CAMK1D: variants seen among roughly 807,000 people sequenced by gnomAD.
The protein encoded by CAMK1D is calcium/calmodulin-dependent protein kinase type 1D.
CAMK1D carries 9 observed loss-of-function variants against 47.7 expected under a neutral mutation model. The ratio of observed to expected loss-of-function variants is 0.19; its 90% CI spans 0.11 to 0.33. The LOEUF (loss-of-function observed/expected upper bound fraction) is 0.33, where lower values mean the gene tolerates loss of function less well. Among genes scored for constraint, CAMK1D ranks in the 10% least tolerant of loss-of-function variants. CAMK1D has a pLI of 1.00. For missense variants in CAMK1D, 291 were observed against 488.7 expected, an observed-to-expected ratio of 0.60 and a Z score of 3.81; for synonymous variants, 184 against 184.9, an observed-to-expected ratio of 0.99 and a Z score of 0.04.
chr10:12,392,838 C>G (rs1340071464), intron 1 of CAMK1D, among the ~76,000 whole-genome samples: 1 of 151,990 alleles, frequency 6.6e-6, no homozygotes, highest in Non-Finnish European at 1.5e-5. Context: ...ATATTACATT[C>G]TAGTGAAAAA....
chr10:12,575,568 T>C (rs57380664), intron 2 of CAMK1D, among the ~76,000 whole-genome samples: 7,383 of 152,250 alleles, frequency 0.048, 223 homozygotes, highest in East Asian at 0.099. Context: ...CCAAAGTGGG[T>C]AGACAAGATG....
chr10:12,350,346 T>C (rs964068440), intron 1 of CAMK1D, among the ~76,000 whole-genome samples: 1 of 152,248 alleles, frequency 6.6e-6, no homozygotes, highest in African/African-American at 2.4e-5. Context: ...TTCCCATTTC[T>C]GTCCTTACAT....
At chr10:12,378,278 A>T (rs915435054) in intron 1 of CAMK1D, among the ~76,000 whole-genome samples, 6 of 151,920 alleles carry the variant, frequency 3.9e-5, no homozygotes, top group African/African-American at 1.5e-4. Context: ...ACAGCGTCTC[A>T]CTCCATTGCC....
intron 2 of CAMK1D, among the ~76,000 whole-genome samples, chr10:12,656,630 C>A (rs1287253089): frequency 6.6e-6 from 1 of 152,154 alleles, no homozygotes; most frequent in Non-Finnish European, 1.5e-5. Flanking sequence ...CTTTAAAAAA[C>A]AACAACAAAA....
At chr10:12,777,314 A>T (rs116440251) in intron 5 of CAMK1D, among the ~76,000 whole-genome samples, 2,089 of 151,040 alleles carry the variant, frequency 0.014, 42 homozygotes, top group African/African-American at 0.047. Flanking sequence ...AGAAGTTATC[A>T]CATGTCAGTT....
At chr10:12,706,995 G>C (rs12573618) in intron 3 of CAMK1D, among the ~76,000 whole-genome samples, 1 of 152,172 alleles carries the variant, frequency 6.6e-6, no homozygotes, top group South Asian at 2.1e-4. Context: ...CGGACAAACT[G>C]TGCGGTTTGG....
At chr10:12,494,257 G>A (rs1834470475) in intron 1 of CAMK1D, among the ~76,000 whole-genome samples, 3 of 152,190 alleles carry the variant, frequency 2.0e-5, no homozygotes, top group Admixed American at 2.0e-4. Flanking sequence ...TAGTTATAGA[G>A]CCAGATTATC....
chr10:12,645,296 C>A (rs1222472029), intron 2 of CAMK1D, among the ~76,000 whole-genome samples: 1 of 152,188 alleles, frequency 6.6e-6, no homozygotes, highest in African/African-American at 2.4e-5. Flanking sequence ...AAGACATACA[C>A]TTCTATTTTT....
chr10:12,734,454 ATATACACATACACATATGTG>A (rs1339870106), intron 3 of CAMK1D, among the ~76,000 whole-genome samples: 13 of 5,232 alleles, frequency 2.5e-3, no homozygotes, highest in East Asian at 0.036. Context: ...ATATGTGTAT[ATATACACATACACATATGTG>A]TATATATACA....
At chr10:12,374,131 G>A (rs976095945) in intron 1 of CAMK1D, among the ~76,000 whole-genome samples, 20 of 151,316 alleles carry the variant, frequency 1.3e-4, no homozygotes, top group African/African-American at 4.8e-4. Flanking sequence ...GTCATGGTGG[G>A]CATCTGTAGT....
chr10:12,751,677 G>A (rs1318500671), intron 3 of CAMK1D, among the ~76,000 whole-genome samples: 1 of 152,184 alleles, frequency 6.6e-6, no homozygotes, highest in Non-Finnish European at 1.5e-5. Context: ...TAGGGGTCAG[G>A]AAAGGCATAT....
chr10:12,645,735 G>A (rs571126334), intron 2 of CAMK1D, among the ~76,000 whole-genome samples: 3 of 152,272 alleles, frequency 2.0e-5, no homozygotes, highest in South Asian at 4.1e-4. Flanking sequence ...AATCAAGAAC[G>A]TAACAAAGGA....
chr10:12,725,349 A>G (rs762488468), intron 3 of CAMK1D: 1 of 155,946 alleles, frequency 6.4e-6, no homozygotes, highest in African/African-American at 2.4e-5. Context: ...GCACCAGCCT[A>G]ATATATTCTT....
intron 1 of CAMK1D, among the ~76,000 whole-genome samples, chr10:12,362,222 A>G (rs1837686413): frequency 6.6e-6 from 1 of 151,270 alleles, no homozygotes; most frequent in African/African-American, 2.4e-5. Context: ...TTGAACCTCC[A>G]CTCCACCTAT....
chr10:12,483,289 C>A (rs1162850234), intron 1 of CAMK1D, among the ~76,000 whole-genome samples: 1 of 152,012 alleles, frequency 6.6e-6, no homozygotes, highest in East Asian at 1.9e-4. Context: ...GCAGCCTCAA[C>A]CTCCTGGGCT....
intron 6 of CAMK1D, among the ~76,000 whole-genome samples, chr10:12,808,469 C>G (rs10906229): frequency 0.45 from 68,476 of 152,098 alleles, 17,087 homozygotes; most frequent in African/African-American, 0.66. Context: ...CACCAAGTGA[C>G]TATGTGTATG....
intron 1 of CAMK1D, among the ~76,000 whole-genome samples, chr10:12,452,468 A>G (rs1833112179): frequency 1.3e-5 from 2 of 151,674 alleles, no homozygotes; most frequent in South Asian, 2.1e-4. Flanking sequence ...ATACAGTACA[A>G]TTATTTATAA....
chr10:12,536,822 C>T (rs1172249104), intron 1 of CAMK1D, among the ~76,000 whole-genome samples: 1 of 152,104 alleles, frequency 6.6e-6, no homozygotes, highest in Non-Finnish European at 1.5e-5. Context: ...AGGTTTATCC[C>T]TGTTAATGCA....
intron 1 of CAMK1D, among the ~76,000 whole-genome samples, chr10:12,540,948 G>T (rs1396430637): frequency 6.9e-6 from 1 of 145,258 alleles, no homozygotes; most frequent in South Asian, 2.2e-4. Flanking sequence ...TTAAGAAAAA[G>T]AATTTCGATA....
Sources: gnomAD v4.1 joint callset for allele counts (sites outside exome capture counted in the v4.1 genomes callset) on GRCh38, gnomAD v4.1.1 for gene constraint, MANE v1.5 for transcripts, NCBI Gene and HGNC (gene_info 2026-07-23, HGNC 2026-07-21) for gene names.